DCUN1D2: variants seen among roughly 807,000 people sequenced by gnomAD.
The protein encoded by DCUN1D2 is defective in cullin neddylation 1 domain containing 2.
A neutral mutation model predicts 30.9 loss-of-function variants in DCUN1D2; 29 were observed. That is an observed-to-expected ratio of 0.94 (90% CI 0.70 to 1.28). The LOEUF (loss-of-function observed/expected upper bound fraction) is 1.28, where lower values mean the gene tolerates loss of function less well. Ranked by LOEUF, DCUN1D2 falls within the 50% of genes most tolerant of loss-of-function variation. The pLI is 0.00. For synonymous variants in DCUN1D2, 121 were observed against 115.3 expected (o/e 1.05, Z -0.32); for missense variants, 325 against 316.9 (o/e 1.03, Z -0.19).
intron 3 of DCUN1D2, among the ~76,000 whole-genome samples, chr13:113,476,746 T>C (rs1397913919): frequency 6.6e-6 from 1 of 152,218 alleles, no homozygotes. Flanking sequence ...AAAAGACATT[T>C]TCCTACATTA....
intron 4 of DCUN1D2, among the ~76,000 whole-genome samples, chr13:113,472,938 C>G (rs2044547586): frequency 6.6e-6 from 1 of 151,900 alleles, no homozygotes; most frequent in African/African-American, 2.4e-5. Context: ...CCGTCTCTCT[C>G]CCGTGTCCCC....
At chr13:113,474,301 AG>A (rs1438602242) in intron 3 of DCUN1D2, 47 bp from the exon 4 acceptor site, 7 of 1,604,478 alleles carry the variant, frequency 4.4e-6, no homozygotes, top group Non-Finnish European at 6.0e-6. Context: ...GCGCCTCCCT[AG>A]TCGACTCCCC....
At chr13:113,473,331 G>A (rs1057400015) in intron 4 of DCUN1D2, among the ~76,000 whole-genome samples, 7 of 152,110 alleles carry the variant, frequency 4.6e-5, no homozygotes, top group Admixed American at 2.6e-4. Flanking sequence ...CACCTTCACT[G>A]CAGTCCCTGA....
chr13:113,486,536 G>A (rs1166553734), intron 1 of DCUN1D2, among the ~76,000 whole-genome samples: 1 of 152,152 alleles, frequency 6.6e-6, no homozygotes, highest in East Asian at 1.9e-4. Flanking sequence ...TCGAACTCCT[G>A]AGACTAAACA....
intron 1 of DCUN1D2, among the ~76,000 whole-genome samples, chr13:113,485,416 G>A (rs1037774638): frequency 6.6e-6 from 1 of 152,168 alleles, no homozygotes; most frequent in Non-Finnish European, 1.5e-5. Flanking sequence ...GTAAGAGCTG[G>A]AAATCAGGCT....
intron 5 of DCUN1D2, 49 bp downstream of exon 5, chr13:113,461,005 C>T (rs374100847): frequency 3.0e-4 from 381 of 1,265,174 alleles, no homozygotes; most frequent in Non-Finnish European, 3.9e-4. Context: ...TCATACCTAC[C>T]GACTTCCCTC....
intron 4 of DCUN1D2, among the ~76,000 whole-genome samples, chr13:113,472,946 C>T (rs1431361273): frequency 6.6e-6 from 1 of 151,456 alleles, no homozygotes; most frequent in Non-Finnish European, 1.5e-5. Context: ...CTCCCGTGTC[C>T]CCCTGCGCCT....
At chr13:113,484,086 A>G (rs967835361) in intron 1 of DCUN1D2, 30 bp from the exon 2 acceptor site, 2 of 1,610,446 alleles carry the variant, frequency 1.2e-6, no homozygotes, top group African/African-American at 2.7e-5. Context: ...TAGGAAAGCC[A>G]ATGAAGCCGC....
At chr13:113,462,971 T>G in intron 4 of DCUN1D2, 1 of 846,032 alleles carries the variant, frequency 1.2e-6, no homozygotes, top group Admixed American at 4.7e-5. Context: ...CTAAAAACTT[T>G]TCTTACAAAG....
At chr13:113,482,414 C>A (rs1594123098) in intron 2 of DCUN1D2, among the ~76,000 whole-genome samples, 1 of 152,130 alleles carries the variant, frequency 6.6e-6, no homozygotes, top group Non-Finnish European at 1.5e-5. Flanking sequence ...ATATGACTTA[C>A]AAAATTAGCT....
intron 4 of DCUN1D2, among the ~76,000 whole-genome samples, chr13:113,467,655 A>C (rs2044428528): frequency 6.6e-6 from 1 of 152,188 alleles, no homozygotes; most frequent in African/African-American, 2.4e-5. Flanking sequence ...GCTGACAGGA[A>C]TGTAAAAAAA....
chr13:113,468,177 C>T (rs112302802), intron 4 of DCUN1D2, among the ~76,000 whole-genome samples: 14 of 151,810 alleles, frequency 9.2e-5, no homozygotes, highest in African/African-American at 2.2e-4. Flanking sequence ...ATAAACAAAA[C>T]GTGGTCTATG....
chr13:113,484,125 G>C, intron 1 of DCUN1D2, 69 bp from the exon 2 acceptor site: 2 of 1,595,686 alleles, frequency 1.3e-6, no homozygotes, highest in Non-Finnish European at 8.5e-7. Context: ...TTAGCCTAAC[G>C]CCTGCACTTT....
intron 4 of DCUN1D2, among the ~76,000 whole-genome samples, chr13:113,472,368 A>C (rs2044534588): frequency 1.3e-5 from 2 of 152,212 alleles, no homozygotes; most frequent in Admixed American, 1.3e-4. Flanking sequence ...CCACGGCCTG[A>C]AACCAGTTTC....
rs779575253 is a variant in DCUN1D2, at chr13:113,457,888, G to A, written c.*141C>T. 4.9e-5 allele frequency: 39 copies of A among 794,994 alleles called. No individual in the cohort carries two copies. Among genetic ancestry groups the A allele is most frequent in the East Asian group, 2.0e-4 (8 of 40,674 alleles). The allele number at this position is 794,994 out of a possible 1,614,324, so 49.2% of individuals were successfully genotyped here. On this transcript the variant is annotated 3_prime_UTR_variant, in exon 7 of 7. Transcript: ENST00000478244. ...ACAAAGCAGCCGCTGGCTGTCCTCC[G>A]GCAGAATGGGATGGCGCCTCTGGTT...
chr13:113,459,284 C>A, intron 6 of DCUN1D2, 28 bp downstream of exon 6: 1 of 1,266,284 alleles, frequency 7.9e-7, no homozygotes, highest in Non-Finnish European at 1.2e-6. Flanking sequence ...GCATTTCGGT[C>A]AATCATCTGA....
chr13:113,489,277 AAACT>A (rs2044871406), intron 1 of DCUN1D2: 1 of 411,390 alleles, frequency 2.4e-6, no homozygotes, highest in Admixed American at 6.4e-5. Flanking sequence ...AGTTTTCCCC[AAACT>A]AAGTTCCTGT....
At chr13:113,489,487 T>C (rs913887235) in intron 1 of DCUN1D2, among the ~76,000 whole-genome samples, 5 of 152,270 alleles carry the variant, frequency 3.3e-5, no homozygotes, top group Admixed American at 6.5e-5. Context: ...CCCTCCTCCT[T>C]TAAACTCCAT....
chr13:113,479,791 T>C (rs539191435), intron 3 of DCUN1D2, among the ~76,000 whole-genome samples: 2 of 152,260 alleles, frequency 1.3e-5, no homozygotes, highest in African/African-American at 4.8e-5. Context: ...GTAAATAAGC[T>C]AGTAACATAA....
Sources: gnomAD v4.1 joint callset for allele counts (sites outside exome capture counted in the v4.1 genomes callset) on GRCh38, gnomAD v4.1.1 for gene constraint, MANE v1.5 for transcripts, NCBI Gene and HGNC (gene_info 2026-07-23, HGNC 2026-07-21) for gene names.